USH2A: variants seen among roughly 807,000 people sequenced by gnomAD.
USH2A encodes the protein Usher syndrome 2A (autosomal recessive, mild).
Under a neutral mutation model 538.9 loss-of-function variants are expected in USH2A, and 443 were observed. The ratio of observed to expected loss-of-function variants is 0.82; its 90% confidence interval spans 0.76 to 0.89. The LOEUF is 0.89. Ranked by LOEUF, USH2A falls within the 40% of genes least tolerant of loss-of-function variation. USH2A has a pLI of 0.00. For synonymous variants in USH2A, 2,413 were observed against 2,273.5 expected, an observed-to-expected ratio of 1.06 and a Z score of -1.75; for missense variants, 6,633 against 6,324.8, an observed-to-expected ratio of 1.05 and a Z score of -1.65.
At chr1:216,043,974 C>A (rs2030407951) in intron 32 of USH2A, among the ~76,000 whole-genome samples, 1 of 151,716 alleles carries the variant, frequency 6.6e-6, no homozygotes, top group Non-Finnish European at 1.5e-5. Context: ...TTCCCCTTTG[C>A]TATCTTCTTG....
chr1:216,257,025 T>C (rs1444428418), intron 11 of USH2A, among the ~76,000 whole-genome samples: 3 of 151,960 alleles, frequency 2.0e-5, no homozygotes, highest in African/African-American at 4.8e-5. Flanking sequence ...ACTTTTACTA[T>C]ATTATTATTA....
At chr1:216,348,096 A>G (rs1230911997) in intron 4 of USH2A, among the ~76,000 whole-genome samples, 1 of 152,190 alleles carries the variant, frequency 6.6e-6, no homozygotes, top group Non-Finnish European at 1.5e-5. Flanking sequence ...TTAACAATTG[A>G]GTAAATTTTA....
At chr1:215,965,181 G>T (rs1361402593) in intron 37 of USH2A, 136 bp downstream of exon 37, 9 of 999,086 alleles carry the variant, frequency 9.0e-6, no homozygotes, top group Middle Eastern at 3.2e-4. Context: ...TAGCTTATCC[G>T]TATAGGTTAT....
chr1:216,131,323 A>G (rs555789279), intron 21 of USH2A, among the ~76,000 whole-genome samples: 3 of 151,966 alleles, frequency 2.0e-5, no homozygotes, highest in East Asian at 3.9e-4. Context: ...GTTAAGTTCC[A>G]TCTATTTATC....
At chr1:216,070,799 A>T (rs1366857599) in intron 29 of USH2A, among the ~76,000 whole-genome samples, 1 of 151,422 alleles carries the variant, frequency 6.6e-6, no homozygotes, top group Non-Finnish European at 1.5e-5. Flanking sequence ...TTAATTTTTA[A>T]AAAGCAAAGT....
intron 9 of USH2A, among the ~76,000 whole-genome samples, chr1:216,306,938 G>A (rs2037328004): frequency 6.6e-6 from 1 of 152,182 alleles, no homozygotes. Flanking sequence ...GAGATAGCAG[G>A]GGAGTGAAGT....
chr1:216,044,821 T>C (rs999873398), intron 32 of USH2A, among the ~76,000 whole-genome samples: 2 of 152,170 alleles, frequency 1.3e-5, no homozygotes, highest in Non-Finnish European at 2.9e-5. Context: ...TCTTCACTTG[T>C]AAAATTGGGG....
chr1:216,040,070 C>CA (rs1239937500), intron 32 of USH2A, among the ~76,000 whole-genome samples: 4 of 151,506 alleles, frequency 2.6e-5, no homozygotes, highest in Non-Finnish European at 4.4e-5. Flanking sequence ...CACACACACA[C>CA]ACACACACAC....
intron 44 of USH2A, among the ~76,000 whole-genome samples, chr1:215,847,733 T>C (rs1243849341): frequency 1.3e-5 from 2 of 152,036 alleles, no homozygotes; most frequent in African/African-American, 2.4e-5. Context: ...GCTATTGAAG[T>C]CCAATTTCAC....
intron 3 of USH2A, among the ~76,000 whole-genome samples, chr1:216,400,809 A>G (rs895568715): frequency 1.4e-4 from 22 of 152,202 alleles, no homozygotes; most frequent in African/African-American, 5.1e-4. Context: ...AAAGCAATTA[A>G]CTGTCAATCA....
intron 30 of USH2A, among the ~76,000 whole-genome samples, chr1:216,068,131 G>A (rs990547789): frequency 6.6e-6 from 1 of 152,160 alleles, no homozygotes; most frequent in African/African-American, 2.4e-5. Context: ...TGAAGACATA[G>A]AGTGTCAAGT....
rs1458252080 is a variant in USH2A, at chr1:215,788,385, G to C, written c.10183-1511C>G. On this transcript the variant is annotated intron_variant, in intron 51 of 71. Coordinates refer to ENST00000307340, the MANE Select transcript of USH2A (RefSeq NM_206933.4). ...AGGTAGGAACTGTCTGTGTGCAATT[G>C]TCCCCTCTTGCGCCTTTTCCATTAT... Among the ~76,000 whole-genome samples, 5 of 152,118 alleles carry C rather than the reference G, an allele frequency of 3.3e-5. No homozygotes were observed. The East Asian group carries it at 7.7e-4, about 23-fold the overall frequency.
At chr1:215,951,625 C>T (rs377373109) in intron 37 of USH2A, among the ~76,000 whole-genome samples, 4,811 of 151,898 alleles carry the variant, frequency 0.032, 117 homozygotes, top group South Asian at 0.083. Flanking sequence ...CTTTCTGTCT[C>T]GTTGATCTGT....
intron 67 of USH2A, among the ~76,000 whole-genome samples, chr1:215,644,580 G>A (rs145485590): frequency 6.6e-6 from 1 of 152,318 alleles, no homozygotes; most frequent in East Asian, 1.9e-4. Context: ...GAGAAACCAG[G>A]AGAGGGTGGT....
intron 37 of USH2A, among the ~76,000 whole-genome samples, chr1:215,948,791 T>C (rs551334180): frequency 1.3e-5 from 2 of 152,242 alleles, no homozygotes; most frequent in East Asian, 3.9e-4. Context: ...ATAGGAATAT[T>C]TGAAACATCT....
At chr1:215,724,693 C>T (rs1267468730) in intron 61 of USH2A, among the ~76,000 whole-genome samples, 8 of 152,138 alleles carry the variant, frequency 5.3e-5, no homozygotes, top group Admixed American at 5.2e-4. Flanking sequence ...ACCCAAAATG[C>T]CCAACAGTAA....
intron 40 of USH2A, among the ~76,000 whole-genome samples, chr1:215,897,703 A>G (rs751577315): frequency 4.4e-5 from 6 of 136,686 alleles, no homozygotes; most frequent in Non-Finnish European, 7.6e-5. Context: ...AATGAAGGAA[A>G]GGAAGAAAAG....
At chr1:216,368,723 T>A (rs2038645881) in intron 3 of USH2A, among the ~76,000 whole-genome samples, 1 of 152,200 alleles carries the variant, frequency 6.6e-6, no homozygotes, top group African/African-American at 2.4e-5. Flanking sequence ...AAATACTGAA[T>A]CTTAATGCAG....
At chr1:216,203,575 C>A (rs2035046302) in intron 16 of USH2A, among the ~76,000 whole-genome samples, 1 of 152,006 alleles carries the variant, frequency 6.6e-6, no homozygotes, top group South Asian at 2.1e-4. Context: ...AAAACAGTTG[C>A]CTGTCATCTT....
Sources: gnomAD v4.1 joint callset for allele counts (sites outside exome capture counted in the v4.1 genomes callset) on GRCh38, gnomAD v4.1.1 for gene constraint, MANE v1.5 for transcripts, NCBI Gene and HGNC (gene_info 2026-07-23, HGNC 2026-07-21) for gene names.